Variants in VSNL1 observed in about 807,000 individuals in gnomAD.
The protein encoded by VSNL1 is visinin-like protein 1.
A neutral mutation model predicts 20.4 loss-of-function variants in VSNL1; 6 were observed. That is an observed-to-expected ratio of 0.29 (90% confidence interval 0.16 to 0.58). The LOEUF (loss-of-function observed/expected upper bound fraction) is 0.58. Among genes scored for constraint, VSNL1 ranks in the 20% least tolerant of loss-of-function variants. VSNL1 has a pLI of 0.90. For missense variants in VSNL1, 100 were observed against 234.5 expected (o/e 0.43, Z 3.75); for synonymous variants, 93 against 86.4 (o/e 1.08, Z -0.42).
intron 2 of VSNL1, among the ~76,000 whole-genome samples, chr2:17,643,308 C>G (rs547390305): frequency 1.3e-5 from 2 of 152,322 alleles, no homozygotes; most frequent in East Asian, 3.9e-4. Flanking sequence ...TCTTCCCATC[C>G]ATGTGACTAA....
rs912187509 is a variant in VSNL1, at chr2:17,649,176, C to T, written c.163-234C>T. Among the ~76,000 whole-genome samples the T allele has an allele frequency of 6.6e-6, 1 of 152,198 alleles. No individual in the cohort carries two copies. Among genetic ancestry groups the T allele is most frequent in the Non-Finnish European group, 1.5e-5 (1 of 68,038 alleles). ...TCCAAGCCCCATCAACTGAAAGCCA[C>T]ATGTCACCAGCCTCACCCACAGGAA... is the stretch of plus-strand genomic sequence containing the variant. On this transcript the variant is annotated intron_variant, in intron 2 of 3. Coordinates refer to ENST00000295156, the MANE Select transcript of VSNL1 (RefSeq NM_003385.5). This position sits in a 1 kb window ranked among gnomAD's most constrained non-coding sequence, Gnocchi z 6.4.
intron 2 of VSNL1, among the ~76,000 whole-genome samples, chr2:17,629,017 G>T (rs973094219): frequency 1.8e-4 from 28 of 152,330 alleles, no homozygotes; most frequent in African/African-American, 6.7e-4. Flanking sequence ...TCAACACAGG[G>T]CTCAGAGCCA....
chr2:17,647,241 A>G (rs1016778489), intron 2 of VSNL1, among the ~76,000 whole-genome samples: 4 of 152,346 alleles, frequency 2.6e-5, no homozygotes, highest in Admixed American at 6.5e-5. Context: ...GCTGTGAGAC[A>G]TAAGATAGTT....
chr2:17,560,444 G>A (rs984718516), intron 1 of VSNL1, among the ~76,000 whole-genome samples: 11 of 152,130 alleles, frequency 7.2e-5, no homozygotes, highest in African/African-American at 2.7e-4. Flanking sequence ...ACAAAATAGA[G>A]TATTCACAAA....
intron 1 of VSNL1, among the ~76,000 whole-genome samples, chr2:17,558,777 G>C (rs1294440134): frequency 1.3e-5 from 2 of 152,062 alleles, no homozygotes; most frequent in Non-Finnish European, 2.9e-5. Context: ...AAACATCTAT[G>C]ATATGCTTTT....
intron 2 of VSNL1, among the ~76,000 whole-genome samples, chr2:17,619,241 TC>T (rs1665289850): frequency 1.3e-5 from 2 of 152,228 alleles, no homozygotes; most frequent in Non-Finnish European, 2.9e-5. Context: ...CTTCTCTGAA[TC>T]CAGAATCAGC....
chr2:17,594,603 A>G (rs1034270809), intron 2 of VSNL1, among the ~76,000 whole-genome samples: 1 of 152,214 alleles, frequency 6.6e-6, no homozygotes, highest in Non-Finnish European at 1.5e-5. Flanking sequence ...GATTCCTTCT[A>G]TCTTTGGTGC....
intron 2 of VSNL1, among the ~76,000 whole-genome samples, chr2:17,640,003 C>T (rs2103420740): frequency 6.6e-6 from 1 of 152,298 alleles, no homozygotes; most frequent in East Asian, 1.9e-4. Flanking sequence ...AATCCCAGCA[C>T]TTTTGGGAGG....
rs188626189 is a variant in VSNL1 at position 17,567,085 on chromosome 2, G to A, written c.-5-24985G>A. On this transcript the variant is annotated intron_variant, in intron 1 of 3. Transcript: ENST00000295156. The stretch of plus-strand genomic sequence containing the variant: ...CCTCAAAGTTGTCTTAAATATTACT[G>A]ACCTTTTGCTTTTTCATTTGGTTAA... 4.9e-3 allele frequency among the ~76,000 whole-genome samples: 749 copies of A among 152,134 alleles called. 2 individuals are homozygous for A. Among genetic ancestry groups the A allele is most frequent in the Non-Finnish European group, 7.0e-3 (479 of 67,992 alleles).
intron 2 of VSNL1, among the ~76,000 whole-genome samples, chr2:17,606,823 A>G (rs979257724): frequency 6.6e-6 from 1 of 152,216 alleles, no homozygotes; most frequent in Admixed American, 6.5e-5. Flanking sequence ...CATGAAAGAC[A>G]TATGTAAGTT....
chr2:17,641,981 C>T (rs1419084851), intron 2 of VSNL1, among the ~76,000 whole-genome samples: 1 of 152,078 alleles, frequency 6.6e-6, no homozygotes, highest in Non-Finnish European at 1.5e-5. Context: ...AATTTTACTT[C>T]CAGAATCAGA....
At chr2:17,546,791 C>T (rs1440221249) in intron 1 of VSNL1, among the ~76,000 whole-genome samples, 1 of 152,052 alleles carries the variant, frequency 6.6e-6, no homozygotes, top group Non-Finnish European at 1.5e-5. Context: ...GTTCTGTTTG[C>T]TGAAATTCTT....
chr2:17,646,664 A>G (rs1460020286), intron 2 of VSNL1, among the ~76,000 whole-genome samples: 2 of 152,220 alleles, frequency 1.3e-5, no homozygotes, highest in Non-Finnish European at 2.9e-5. Context: ...CTGTCATATT[A>G]TTTATAGATT....
rs148103094 is a variant in VSNL1 at position 17,571,619 on chromosome 2, G to C, written c.-5-20451G>C. Among the ~76,000 whole-genome samples, 224 of 152,172 alleles carry C rather than the reference G, an allele frequency of 1.5e-3. 8 individuals carry two copies. In the East Asian group the frequency reaches 0.038, roughly 26 times the overall value. On this transcript the variant is annotated intron_variant, in intron 1 of 3. Coordinates refer to ENST00000295156, the MANE Select transcript of VSNL1 (RefSeq NM_003385.5). ...TTATTAAGCACCTACTCAGCACCAG[G>C]GACAATTCTAGGTACAAAGAGTGCT...
At chr2:17,568,257 A>G (rs963915811) in intron 1 of VSNL1, among the ~76,000 whole-genome samples, 6 of 152,102 alleles carry the variant, frequency 3.9e-5, no homozygotes, top group South Asian at 2.1e-4. Flanking sequence ...ATACTTAACA[A>G]TTCGGCTTTG....
intron 2 of VSNL1, among the ~76,000 whole-genome samples, chr2:17,605,911 C>T (rs1664933953): frequency 6.6e-6 from 1 of 152,172 alleles, no homozygotes; most frequent in Non-Finnish European, 1.5e-5. Context: ...GAATAATAGA[C>T]AGAGAATACT....
intron 2 of VSNL1, among the ~76,000 whole-genome samples, chr2:17,632,013 C>T (rs983498125): frequency 4.0e-5 from 6 of 151,456 alleles, no homozygotes; most frequent in South Asian, 2.1e-4. Context: ...CAGCCTCCCA[C>T]GTAGCTGGGA....
At chr2:17,564,845 A>T (rs1459172920) in intron 1 of VSNL1, among the ~76,000 whole-genome samples, 1 of 152,222 alleles carries the variant, frequency 6.6e-6, no homozygotes, top group African/African-American at 2.4e-5. Context: ...AGTATCGCAG[A>T]TGCAATTGTA....
chr2:17,557,387 A>T (rs2103344668), intron 1 of VSNL1, among the ~76,000 whole-genome samples: 1 of 152,360 alleles, frequency 6.6e-6, no homozygotes, highest in South Asian at 2.1e-4. Flanking sequence ...GAACTAAAAC[A>T]ACCATAATCC....
Sources: gnomAD v4.1 joint callset for allele counts (sites outside exome capture counted in the v4.1 genomes callset) on GRCh38, gnomAD v4.1.1 for gene constraint, Gnocchi (gnomAD v3.1) non-coding constraint, MANE v1.5 for transcripts, NCBI Gene and HGNC (gene_info 2026-07-23, HGNC 2026-07-21) for gene names.